EPB41L5: variants seen among roughly 807,000 people sequenced by gnomAD.
The protein encoded by EPB41L5 is band 4.1-like protein 5.
A neutral mutation model predicts 106.6 loss-of-function variants in EPB41L5; 55 were observed. That is an observed-to-expected ratio of 0.52 (90% CI 0.42 to 0.65). The LOEUF (loss-of-function observed/expected upper bound fraction) is 0.65, where lower values mean the gene tolerates loss of function less well. Among genes scored for constraint, EPB41L5 ranks in the 30% least tolerant of loss-of-function variants. The pLI, the probability that EPB41L5 is intolerant of heterozygous loss-of-function variation, is 0.00. For synonymous variants in EPB41L5, 297 were observed against 306.7 expected (o/e 0.97, Z 0.33); for missense variants, 871 against 882.1 (o/e 0.99, Z 0.16).
intron 18 of EPB41L5, among the ~76,000 whole-genome samples, chr2:120,135,363 T>C (rs1243747554): frequency 6.6e-6 from 1 of 152,070 alleles, no homozygotes; most frequent in African/African-American, 2.4e-5. Flanking sequence ...AGAGATGTGG[T>C]AGAAAGTTTG....
chr2:120,127,414 G>GTGTC (rs1266182029), intron 16 of EPB41L5, among the ~76,000 whole-genome samples: 1 of 152,142 alleles, frequency 6.6e-6, no homozygotes, highest in Non-Finnish European at 1.5e-5. Context: ...ATATGAAATG[G>GTGTC]TGTCGTGTTT....
At chr2:120,150,629 A>G (rs1053816686) in intron 20 of EPB41L5, among the ~76,000 whole-genome samples, 28 of 151,762 alleles carry the variant, frequency 1.8e-4, no homozygotes, top group African/African-American at 5.8e-4. Flanking sequence ...GGTGTGACCT[A>G]CTGTGCCTGC....
chr2:120,137,612 AT>A (rs1283196810), intron 18 of EPB41L5, among the ~76,000 whole-genome samples: 6 of 152,124 alleles, frequency 3.9e-5, no homozygotes, highest in Non-Finnish European at 8.8e-5. Flanking sequence ...GAAGAAATGG[AT>A]GAATTCCTAG....
intron 16 of EPB41L5, among the ~76,000 whole-genome samples, chr2:120,111,110 C>T (rs1416548496): frequency 6.6e-6 from 1 of 152,010 alleles, no homozygotes; most frequent in Non-Finnish European, 1.5e-5. Flanking sequence ...AGGATCTGAC[C>T]CGAGATCCCA....
intron 4 of EPB41L5, among the ~76,000 whole-genome samples, chr2:120,073,431 T>C (rs3738969): frequency 0.63 from 96,376 of 152,062 alleles, 31,971 homozygotes; most frequent in Middle Eastern, 0.74. Flanking sequence ...GGCTTAACTT[T>C]CCAGGAGAAA....
At chr2:120,152,165 T>TA (rs1309277794) in intron 20 of EPB41L5, among the ~76,000 whole-genome samples, 1 of 152,222 alleles carries the variant, frequency 6.6e-6, no homozygotes, top group African/African-American at 2.4e-5. Flanking sequence ...ATGTTTTTCA[T>TA]ATATGCCCTT....
intron 16 of EPB41L5, chr2:120,106,083 A>T (rs923205282): frequency 2.0e-6 from 2 of 984,982 alleles, no homozygotes; most frequent in African/African-American, 3.5e-5. Flanking sequence ...TTCATATTGA[A>T]AGTGGCCATT....
intron 2 of EPB41L5, among the ~76,000 whole-genome samples, chr2:120,031,846 A>G (rs1678730938): frequency 6.6e-6 from 1 of 152,164 alleles, no homozygotes; most frequent in South Asian, 2.1e-4. Flanking sequence ...TCAAGAGTTC[A>G]TTAGAAGGGC....
chr2:120,091,697 C>A, intron 13 of EPB41L5, 36 bp downstream of exon 13: 2 of 1,520,080 alleles, frequency 1.3e-6, no homozygotes, highest in Non-Finnish European at 1.8e-6. Context: ...ATTATTTTTC[C>A]TTGGCAATTA....
rs774463706 is a variant in EPB41L5 at position 120,077,012 on chromosome 2, C to T, written c.547C>T (p.Leu183Phe). Residue 183 changes from leucine (L) to phenylalanine (F), a missense_variant, in exon 8 of 25, where the codon CTT becomes TTT. Coordinates refer to ENST00000263713, the MANE Select transcript of EPB41L5 (RefSeq NM_020909.4). The stretch of plus-strand genomic sequence containing the variant: ...TGATCTTGCTGAGCATAGTCCTGAA[C>T]TTGTCTCAGAGTTCAGATTCGTGCC... ...DYDLAEHSPE[L>F]VSEFRFVPIQ... 1 of 1,612,638 alleles carries T rather than the reference C, an allele frequency of 6.2e-7. No individual in the cohort carries two copies. Among genetic ancestry groups the T allele is most frequent in the Non-Finnish European group, 8.5e-7 (1 of 1,179,246 alleles).
chr2:120,027,053 T>A (rs1288591465), intron 2 of EPB41L5, among the ~76,000 whole-genome samples: 1 of 152,132 alleles, frequency 6.6e-6, no homozygotes, highest in African/African-American at 2.4e-5. Flanking sequence ...AGTCAGATAA[T>A]ATTAAGTGTT....
chr2:120,053,481 C>T (rs1415564842), intron 3 of EPB41L5, among the ~76,000 whole-genome samples: 1 of 152,186 alleles, frequency 6.6e-6, no homozygotes, highest in East Asian at 1.9e-4. Context: ...AACCCTCTTA[C>T]ACGTTACCAG....
chr2:120,013,815 G>T (rs1388433888), intron 1 of EPB41L5: 1 of 152,152 alleles, frequency 6.6e-6, no homozygotes, highest in Admixed American at 6.5e-5. Context: ...ACCTAAGAGC[G>T]AGACCCAACT....
intron 20 of EPB41L5, among the ~76,000 whole-genome samples, chr2:120,152,447 C>T (rs1271249218): frequency 6.6e-6 from 1 of 152,098 alleles, no homozygotes; most frequent in East Asian, 1.9e-4. Context: ...ATATATTCAT[C>T]AGGGATATTG....
At chr2:120,062,128 G>A (rs888232204) in intron 3 of EPB41L5, among the ~76,000 whole-genome samples, 2 of 152,118 alleles carry the variant, frequency 1.3e-5, no homozygotes, top group African/African-American at 4.8e-5. Flanking sequence ...AGTTATGGAA[G>A]AGAAAATTAT....
chr2:120,160,919 A>C lies in EPB41L5; in HGVS notation c.1832A>C (p.Glu611Ala), dbSNP rs1467664165. The change falls in exon 21 of 25, where the codon GAG (glutamate) becomes GCG (alanine). Residue 611 changes from glutamate (E) to alanine (A), a missense_variant. Coordinates refer to ENST00000263713, the MANE Select transcript of EPB41L5 (RefSeq NM_020909.4). ...LNENNVPLPK[E>A]SLETLMLITP... ...GAGAATAATGTGCCCCTCCCCAAAG[A>C]GTCTCTTGAGACTCTGATGCTTATC... is the stretch of plus-strand genomic sequence containing the variant. 1 of 1,613,924 alleles carries C rather than the reference A, an allele frequency of 6.2e-7. No individual in the cohort carries two copies. The highest frequency in any genetic ancestry group is 8.5e-7 in the Non-Finnish European group (1 of 1,179,834).
At chr2:120,061,971 C>A (rs1681115280) in intron 3 of EPB41L5, among the ~76,000 whole-genome samples, 1 of 152,082 alleles carries the variant, frequency 6.6e-6, no homozygotes, top group East Asian at 1.9e-4. Context: ...CACTAGCTCT[C>A]CATTTTTTAT....
chr2:120,061,646 C>G (rs185493794), intron 3 of EPB41L5, among the ~76,000 whole-genome samples: 29 of 152,258 alleles, frequency 1.9e-4, no homozygotes, highest in African/African-American at 5.8e-4. Flanking sequence ...GCCACCACAC[C>G]CGGCCTATTC....
At chr2:120,151,448 A>G (rs910488771) in intron 20 of EPB41L5, among the ~76,000 whole-genome samples, 3 of 152,140 alleles carry the variant, frequency 2.0e-5, no homozygotes, top group African/African-American at 7.2e-5. Context: ...ATTAACAACT[A>G]TGTTACAACA....
Sources: allele counts gnomAD v4.1 joint callset (sites outside exome capture counted in the v4.1 genomes callset), GRCh38; gene constraint gnomAD v4.1.1; transcripts MANE v1.5; gene names NCBI Gene and HGNC (gene_info 2026-07-23, HGNC 2026-07-21).